The following PSPC1 variants were observed in gnomAD, a reference collection of about 807,000 sequenced individuals.
PSPC1 encodes paraspeckle component 1, also known as paraspeckle protein 1.
PSPC1 carries 14 observed loss-of-function variants against 51.6 expected under a neutral mutation model. The ratio of observed to expected loss-of-function variants is 0.27; its 90% CI spans 0.18 to 0.42. The LOEUF (loss-of-function observed/expected upper bound fraction) is 0.42, where lower values mean the gene tolerates loss of function less well. Among genes scored for constraint, PSPC1 ranks in the 10% least tolerant of loss-of-function variants. The pLI is 1.00. For missense variants in PSPC1, 406 were observed against 701.1 expected, an observed-to-expected ratio of 0.58 and a Z score of 4.75; for synonymous variants, 193 against 231.9, an observed-to-expected ratio of 0.83 and a Z score of 1.53.
chr13:19,716,721 A>G (rs192868533), intron 6 of PSPC1, among the ~76,000 whole-genome samples: 10 of 152,316 alleles, frequency 6.6e-5, no homozygotes, highest in Non-Finnish European at 1.5e-4. Flanking sequence ...CTTTTTAATC[A>G]ATTAGGAATA....
rs376537164 is a variant in PSPC1 at position 19,772,218 on chromosome 13, A to G, written c.674+24T>C. The G allele has an allele frequency of 1.2e-5, 20 of 1,600,052 alleles. No homozygotes were observed. In the African/African-American group the frequency reaches 1.9e-4, roughly 15 times the overall value. ...AAGCCCATATGTAACTGGATAGAAG[A>G]AGGACAAGATATTTAAAACTTACGT... On this transcript the variant is annotated intron_variant, in intron 2 of 8. Transcript: ENST00000338910.
intron 6 of PSPC1, among the ~76,000 whole-genome samples, chr13:19,686,925 G>A (rs924321970): frequency 6.6e-6 from 1 of 152,100 alleles, no homozygotes; most frequent in Non-Finnish European, 1.5e-5. Flanking sequence ...GGGTGGGCGC[G>A]GTGGCTCATG....
In PSPC1 at chr13:19,773,096, G is replaced by A. The variant is rs529908162; in HGVS notation, c.373-553C>T. 2.6e-5 allele frequency among the ~76,000 whole-genome samples: 4 copies of A among 152,074 alleles called. No homozygotes were observed. The East Asian group carries it at 7.8e-4, about 30-fold the overall frequency. ...GATCTCTTGAACCTAGGAGGCAGAGGTTGCAGTGAGCTGAGATGGCGCTAC... is the reference window on the plus strand; with the variant it reads ...GATCTCTTGAACCTAGGAGGCAGAGATTGCAGTGAGCTGAGATGGCGCTAC... On this transcript the variant is annotated intron_variant, in intron 1 of 8. Coordinates refer to ENST00000338910, the MANE Select transcript of PSPC1 (RefSeq NM_001354909.2).
chr13:19,721,042 A>G (rs1363203050), intron 6 of PSPC1, among the ~76,000 whole-genome samples: 1 of 145,638 alleles, frequency 6.9e-6, no homozygotes, highest in Non-Finnish European at 1.5e-5. Context: ...CATAGACATT[A>G]TAATTTTTTA....
chr13:19,775,790 C>T (rs1374297070), intron 1 of PSPC1, among the ~76,000 whole-genome samples: 2 of 152,138 alleles, frequency 1.3e-5, no homozygotes, highest in East Asian at 1.9e-4. Flanking sequence ...GTGGCTCACG[C>T]CTGTAATCCC....
chr13:19,763,128 A>T (rs1427723070), intron 2 of PSPC1, among the ~76,000 whole-genome samples: 2 of 152,036 alleles, frequency 1.3e-5, no homozygotes, highest in Non-Finnish European at 2.9e-5. Context: ...CTCAACTTAA[A>T]TTCTGTTTAC....
intron 6 of PSPC1, among the ~76,000 whole-genome samples, chr13:19,724,769 C>T (rs757064001): frequency 2.6e-5 from 4 of 152,168 alleles, no homozygotes; most frequent in Middle Eastern, 3.4e-3. Flanking sequence ...GGAGGCCGAG[C>T]GGGCGGATCA....
At chr13:19,721,086 A>G in intron 6 of PSPC1, among the ~76,000 whole-genome samples, 1 of 152,264 alleles carries the variant, frequency 6.6e-6, no homozygotes, top group East Asian at 1.9e-4. Flanking sequence ...TTTAGATGAT[A>G]CTACAGAGAT....
chr13:19,673,758 C>A (rs1276827629), downstream of PSPC1, among the ~76,000 whole-genome samples: 1 of 152,126 alleles, frequency 6.6e-6, no homozygotes, highest in African/African-American at 2.4e-5. Context: ...AAATAGGAAT[C>A]GTCAAATAGT....
At chr13:19,778,148 A>G (rs934955600) in intron 1 of PSPC1, among the ~76,000 whole-genome samples, 1 of 152,044 alleles carries the variant, frequency 6.6e-6, no homozygotes, top group East Asian at 1.9e-4. Flanking sequence ...AGGCTGAGGC[A>G]GGAGAATCGC....
At chr13:19,754,105 A>G (rs1480499578) in intron 3 of PSPC1, among the ~76,000 whole-genome samples, 1 of 150,404 alleles carries the variant, frequency 6.6e-6, no homozygotes, top group African/African-American at 2.4e-5. Context: ...TTTTTTCCTG[A>G]AACAGTTTCA....
chr13:19,707,458 C>T (rs554052266), intron 7 of PSPC1, among the ~76,000 whole-genome samples: 1 of 152,298 alleles, frequency 6.6e-6, no homozygotes, highest in South Asian at 2.1e-4. Context: ...CTGCCACTTT[C>T]CATCAATGTA....
chr13:19,674,175 A>AACTT (rs759900093), downstream of PSPC1, among the ~76,000 whole-genome samples: 39 of 152,184 alleles, frequency 2.6e-4, no homozygotes, highest in Non-Finnish European at 4.7e-4. Flanking sequence ...CTATTCAATT[A>AACTT]ACTTACCAGC....
intron 6 of PSPC1, among the ~76,000 whole-genome samples, chr13:19,687,924 T>C (rs1018008514): frequency 6.6e-6 from 1 of 152,118 alleles, no homozygotes; most frequent in Non-Finnish European, 1.5e-5. Flanking sequence ...TTTTCCAGTC[T>C]TGTTTTGGGT....
At chr13:19,748,460 AAAC>A (rs1886209978) in intron 4 of PSPC1, among the ~76,000 whole-genome samples, 1 of 152,194 alleles carries the variant, frequency 6.6e-6, no homozygotes, top group Non-Finnish European at 1.5e-5. Flanking sequence ...CACACACGAT[AAAC>A]AACAAAAAAA....
At chr13:19,709,051 C>A (rs1408922158) in intron 7 of PSPC1, among the ~76,000 whole-genome samples, 43 of 149,614 alleles carry the variant, frequency 2.9e-4, no homozygotes, top group African/African-American at 1.0e-3. Context: ...GTAGTCCCAG[C>A]TACTTGGTAA....
intron 6 of PSPC1, chr13:19,678,419 T>C (rs1876903799): frequency 6.6e-6 from 1 of 152,322 alleles, no homozygotes; most frequent in Non-Finnish European, 1.5e-5. Flanking sequence ...TCCTTATATA[T>C]GTTTTATAAT....
At chr13:19,695,326 T>G (rs1049110758) in intron 6 of PSPC1, among the ~76,000 whole-genome samples, 6 of 152,222 alleles carry the variant, frequency 3.9e-5, no homozygotes, top group Non-Finnish European at 5.9e-5. Context: ...GTTAAGTACA[T>G]TCTATTGCAA....
chr13:19,695,758 G>A (rs901107840), intron 6 of PSPC1, among the ~76,000 whole-genome samples: 2 of 151,954 alleles, frequency 1.3e-5, no homozygotes, highest in African/African-American at 2.4e-5. Context: ...AAGAATAAAA[G>A]TTAAACACTG....
Sources: allele counts gnomAD v4.1 joint callset (sites outside exome capture counted in the v4.1 genomes callset), GRCh38; gene constraint gnomAD v4.1.1; transcripts MANE v1.5; gene names NCBI Gene and HGNC (gene_info 2026-07-23, HGNC 2026-07-21).